The following SLC26A5 variants were observed in gnomAD, a reference collection of about 807,000 sequenced individuals.
The protein encoded by SLC26A5 is solute carrier family 26 member 5, also known as prestin.
A neutral mutation model predicts 81.0 loss-of-function variants in SLC26A5; 51 were observed. The observed-to-expected ratio is 0.63, with a 90% confidence interval of 0.50 to 0.80. SLC26A5 has a LOEUF of 0.80. SLC26A5 is among the 30% of genes least tolerant of loss of function. The probability of loss-of-function intolerance (pLI) is 0.00; values close to 1 mark genes in which losing one functional copy is unlikely to be tolerated. For missense variants in SLC26A5, 771 were observed against 905.8 expected, an observed-to-expected ratio of 0.85 and a Z score of 1.91; for synonymous variants, 325 against 332.8, an observed-to-expected ratio of 0.98 and a Z score of 0.25.
intron 10 of SLC26A5, among the ~76,000 whole-genome samples, chr7:103,392,212 T>C (rs1338563400): frequency 6.6e-6 from 1 of 152,222 alleles, no homozygotes; most frequent in African/African-American, 2.4e-5. Flanking sequence ...CTCAGATGAA[T>C]GTGGAGCATC....
At chr7:103,364,954 C>CTTACATAT in intron 19 of SLC26A5, among the ~76,000 whole-genome samples, 1 of 38,962 alleles carries the variant, frequency 2.6e-5, no homozygotes. Flanking sequence ...TGTTTGTAGA[C>CTTACATAT]ATACATATAT....
intron 2 of SLC26A5, among the ~76,000 whole-genome samples, chr7:103,442,546 G>T (rs1006491892): frequency 2.0e-5 from 3 of 152,106 alleles, no homozygotes; most frequent in African/African-American, 4.8e-5. Flanking sequence ...GAATAAATCT[G>T]ATTAATAATT....
chr7:103,355,048 T>A (rs968806459), intron 19 of SLC26A5: 143 of 790,084 alleles, frequency 1.8e-4, no homozygotes, highest in Middle Eastern at 1.3e-3. Flanking sequence ...ATTACAGATT[T>A]AAAAAAAATC....
chr7:103,388,821 T>C lies in SLC26A5; in HGVS notation c.1514+187A>G, dbSNP rs79997385. On this transcript the variant is annotated intron_variant, in intron 14 of 19. Transcript: ENST00000306312. ...TAGAAGAGCATTTGGCAAAATTATA[T>C]GGAATTTTTAAATTGGCATTTTGTT... 3,228 of 573,022 alleles carry C rather than the reference T, an allele frequency of 5.6e-3. 78 individuals carry two copies. The highest frequency in any genetic ancestry group is 0.055 in the African/African-American group (2,947 of 53,962). The allele number at this position is 573,022 out of a possible 1,614,324, so 35.5% of individuals were successfully genotyped here.
intron 2 of SLC26A5, among the ~76,000 whole-genome samples, chr7:103,427,186 G>A (rs938975180): frequency 1.3e-5 from 2 of 151,236 alleles, no homozygotes; most frequent in African/African-American, 2.4e-5. Context: ...CGATTTTCCT[G>A]CCTCAGCCTC....
chr7:103,366,155 C>G, intron 19 of SLC26A5: 1 of 1,611,856 alleles, frequency 6.2e-7, no homozygotes, highest in Non-Finnish European at 8.5e-7. Context: ...GAAATTGATG[C>G]TATTGGAGGT....
In SLC26A5 at chr7:103,378,031, T is replaced by C. The variant is rs114703287; in HGVS notation, c.1786-232A>G. Among the ~76,000 whole-genome samples the C allele has an allele frequency of 4.3e-3, 649 of 152,316 alleles. 4 individuals carry two copies. Among genetic ancestry groups the C allele is most frequent in the African/African-American group, 0.015 (629 of 41,568 alleles). On this transcript the variant is annotated intron_variant, in intron 17 of 19. Coordinates refer to ENST00000306312, the MANE Select transcript of SLC26A5 (RefSeq NM_198999.3). ...TTTTTCCTTCTCCTCCTTTTTTTTC[T>C]TGTCCAACAAAATCCACTCTCCTCA...
chr7:103,371,825 A>G (rs1821059968), downstream of SLC26A5, among the ~76,000 whole-genome samples: 1 of 150,838 alleles, frequency 6.6e-6, no homozygotes, highest in Admixed American at 6.6e-5. Context: ...CCTCCCGAGT[A>G]GCTGGGACTA....
intron 19 of SLC26A5, chr7:103,355,052 A>G (rs1049818989): frequency 6.5e-6 from 5 of 767,062 alleles, no homozygotes; most frequent in Non-Finnish European, 1.1e-5. Context: ...CAGATTTAAA[A>G]AAAATCATTA....
Position 103,413,430 on chromosome 7 carries a change from C to T in SLC26A5, c.293-318G>A, listed in dbSNP as rs116627976. The stretch of plus-strand genomic sequence containing the variant: ...GTAATTTGGTGTTGACTCACAAATG[C>T]GAGCTCGTTCTCCAATGGGGTGTTT... On this transcript the variant is annotated intron_variant, in intron 4 of 19. Transcript: ENST00000306312. Among the ~76,000 whole-genome samples the T allele has an allele frequency of 0.016, 2,436 of 152,194 alleles. 62 individuals carry two copies. Among genetic ancestry groups the T allele is most frequent in the African/African-American group, 0.056 (2,310 of 41,498 alleles).
At chr7:103,431,202 A>G (rs1826056342) in intron 2 of SLC26A5, among the ~76,000 whole-genome samples, 2 of 152,358 alleles carry the variant, frequency 1.3e-5, no homozygotes. Flanking sequence ...TTTTTCCAAC[A>G]TAATATACAC....
At chr7:103,440,303 A>C (rs1211632825) in intron 2 of SLC26A5, among the ~76,000 whole-genome samples, 1 of 152,218 alleles carries the variant, frequency 6.6e-6, no homozygotes. Context: ...CTGGCTAAGA[A>C]ATTTTTACCA....
chr7:103,374,362 A>G lies in SLC26A5; in HGVS notation c.*37T>C, dbSNP rs1352467931. 6.2e-7 allele frequency: 1 copy of G among 1,611,280 alleles called. No homozygotes were observed. The highest frequency in any genetic ancestry group is 1.1e-5 in the South Asian group (1 of 90,816). ...AAACGTGTAAATTATGAACTTCATG[A>G]GAGGCTTATAACCCCATCCTAGGGT... On this transcript the variant is annotated 3_prime_UTR_variant, in exon 20 of 20. Transcript: ENST00000306312.
At position 103,367,582 on chromosome 7, in the gene SLC26A5, T is replaced by C. The variant is rs768164237; in HGVS notation, c.2041+9226A>G. ...CACTGATGAGGCCAGGGAGATTGGATAGAAAAATTGAATTTAGCTTGCCCG... is the reference window on the plus strand; with the variant it reads ...CACTGATGAGGCCAGGGAGATTGGACAGAAAAATTGAATTTAGCTTGCCCG... On this transcript the variant is annotated intron_variant, in intron 19 of 19. Transcript: ENST00000339444. The surrounding 1 kb of genome is among the most constrained non-coding windows in gnomAD (Gnocchi z 6.1). 7 of 1,614,032 alleles carry C rather than the reference T, an allele frequency of 4.3e-6. No individual in the cohort carries two copies. The highest frequency in any genetic ancestry group is 3.3e-5 in the South Asian group (3 of 91,080).
At chr7:103,371,035 T>C (rs1350538394), downstream of SLC26A5, among the ~76,000 whole-genome samples, 1 of 152,236 alleles carries the variant, frequency 6.6e-6, no homozygotes, top group Non-Finnish European at 1.5e-5. Context: ...GGTGGGCTTA[T>C]ATATTATTTC....
chr7:103,397,320 TCA>T (rs758384289), intron 9 of SLC26A5, among the ~76,000 whole-genome samples: 10 of 151,508 alleles, frequency 6.6e-5, no homozygotes, highest in African/African-American at 9.7e-5. Flanking sequence ...GGCGGGTGGA[TCA>T]CGAGGTCAGG....
At chr7:103,383,980 A>G (rs1189196286) in intron 14 of SLC26A5, among the ~76,000 whole-genome samples, 3 of 152,050 alleles carry the variant, frequency 2.0e-5, no homozygotes, top group South Asian at 4.2e-4. Context: ...CATCTCTACA[A>G]AAAATTTAAA....
intron 8 of SLC26A5, among the ~76,000 whole-genome samples, chr7:103,399,955 T>C (rs1823447262): frequency 6.6e-6 from 1 of 151,972 alleles, no homozygotes; most frequent in South Asian, 2.1e-4. Flanking sequence ...CACATTTTCT[T>C]TATCCAGTCT....
At position 103,420,876 on chromosome 7, in the gene SLC26A5, A is replaced by C. The variant is rs1825294250; in HGVS notation, c.154T>G (p.Cys52Gly). The change falls in exon 4 of 20, where the codon TGT becomes GGT. Residue 52 changes from cysteine (C) to glycine (G), a missense_variant and splice_region_variant. Coordinates refer to ENST00000306312, the MANE Select transcript of SLC26A5 (RefSeq NM_198999.3). Reference protein sequence around the residue: ...IADKLKQAFTCTPKKIRNIIY... With the variant: ...IADKLKQAFTGTPKKIRNIIY... ...ATATTTCTTATTTTTTTAGGAGTAC[A>C]TCTGAAAGGACAAAGACAGACAGAG... is the stretch of plus-strand genomic sequence containing the variant. 6 of 1,607,350 alleles carry C rather than the reference A, an allele frequency of 3.7e-6. No individual in the cohort carries two copies. The highest frequency in any genetic ancestry group is 5.1e-6 in the Non-Finnish European group (6 of 1,174,130).
Sources: allele counts gnomAD v4.1 joint callset (sites outside exome capture counted in the v4.1 genomes callset), GRCh38; gene constraint gnomAD v4.1.1; non-coding constraint Gnocchi (gnomAD v3.1); transcripts MANE v1.5; gene names NCBI Gene and HGNC (gene_info 2026-07-23, HGNC 2026-07-21).